The following AFAP1L2 variants were observed in gnomAD, a reference collection of about 807,000 sequenced individuals.
The protein encoded by AFAP1L2 is actin filament-associated protein 1-like 2.
In AFAP1L2, 46 loss-of-function variants were observed where a neutral mutation model predicts 99.3. The ratio of observed to expected loss-of-function variants is 0.46; its 90% CI spans 0.37 to 0.59. The LOEUF (loss-of-function observed/expected upper bound fraction) is 0.59. Ranked by LOEUF, AFAP1L2 falls within the 20% of genes least tolerant of loss-of-function variation. AFAP1L2 has a pLI of 0.00. For synonymous variants in AFAP1L2, 397 were observed against 419.1 expected, an observed-to-expected ratio of 0.95 and a Z score of 0.64; for missense variants, 959 against 1,034.9, an observed-to-expected ratio of 0.93 and a Z score of 1.01.
rs1283924763 is a variant in AFAP1L2 at position 114,340,267 on chromosome 10, C to A, written c.145+336G>T. ...CCCAGGAGGTTGAGGCTACAGTGAACCATGATCGCGCCACTGCACTCCAGA... is the reference window on the plus strand; with the variant it reads ...CCCAGGAGGTTGAGGCTACAGTGAAACATGATCGCGCCACTGCACTCCAGA... On this transcript the variant is annotated intron_variant, in intron 2 of 18. Transcript: ENST00000304129. Among the ~76,000 whole-genome samples, 3 of 152,008 alleles carry A rather than the reference C, an allele frequency of 2.0e-5. No homozygotes were observed. In the East Asian group the frequency reaches 5.8e-4, roughly 29 times the overall value.
Position 114,295,539 on chromosome 10 carries a change from T to G in AFAP1L2, c.*503A>C. On this transcript the variant is annotated 3_prime_UTR_variant, in exon 19 of 19. Transcript: ENST00000304129. ...AATGCTGTTTAAAATCACTGAAGAC[T>G]GAGTTGGGCCTGGTAATATTGGAGA... 2 of 985,750 alleles carry G rather than the reference T, an allele frequency of 2.0e-6. No individual in the cohort carries two copies. Among genetic ancestry groups the G allele is most frequent in the Non-Finnish European group, 2.4e-6 (2 of 830,180 alleles). The allele number at this position is 985,750 out of a possible 1,614,324, so 61.1% of individuals were successfully genotyped here. A position where few individuals can be genotyped will look rare whatever the true frequency, so the allele number is the denominator to read the frequency against.
chr10:114,318,115 C>T (rs926768059), intron 5 of AFAP1L2, among the ~76,000 whole-genome samples: 1 of 152,150 alleles, frequency 6.6e-6, no homozygotes, highest in Non-Finnish European at 1.5e-5. Flanking sequence ...ATAGAAAAAG[C>T]TCAAAATAGT....
chr10:114,325,388 G>T (rs576660292), intron 4 of AFAP1L2, among the ~76,000 whole-genome samples: 1 of 152,312 alleles, frequency 6.6e-6, no homozygotes, highest in East Asian at 1.9e-4. Context: ...AGACGAAGAG[G>T]ATCGACCCTG....
At chr10:114,376,953 T>C (rs1208119878) in intron 1 of AFAP1L2, among the ~76,000 whole-genome samples, 1 of 151,814 alleles carries the variant, frequency 6.6e-6, no homozygotes, top group Non-Finnish European at 1.5e-5. Context: ...CAAGATGGAG[T>C]AGAGACCCCA....
intron 3 of AFAP1L2, among the ~76,000 whole-genome samples, chr10:114,332,114 C>T (rs1590240070): frequency 6.6e-6 from 1 of 152,280 alleles, no homozygotes; most frequent in East Asian, 1.9e-4. Context: ...TTCTGGCAGC[C>T]TCTGTACCTG....
the AFAP1L2 span, chr10:114,286,315 G>A: frequency 6.2e-7 from 1 of 1,612,124 alleles, no homozygotes. Flanking sequence ...CACACTCCGA[G>A]GATGAGGTTG....
intron 4 of AFAP1L2, chr10:114,326,107 C>T: frequency 1.6e-6 from 2 of 1,212,780 alleles, no homozygotes; most frequent in Non-Finnish European, 2.1e-6. Flanking sequence ...GTCATCATCA[C>T]CACAGGGTCT....
At chr10:114,346,425 C>T (rs757841756) in intron 1 of AFAP1L2, among the ~76,000 whole-genome samples, 7 of 152,180 alleles carry the variant, frequency 4.6e-5, no homozygotes, top group African/African-American at 7.2e-5. Flanking sequence ...ACACAGGAGG[C>T]CATAGGCGAT....
chr10:114,379,852 C>T lies in AFAP1L2; in HGVS notation c.16+24588G>A, dbSNP rs557541973. 3.3e-5 allele frequency among the ~76,000 whole-genome samples: 5 copies of T among 152,274 alleles called. No individual in the cohort carries two copies. In the East Asian group the frequency reaches 7.7e-4, roughly 24 times the overall value. On this transcript the variant is annotated intron_variant, in intron 1 of 18. Coordinates refer to ENST00000304129, the MANE Select transcript of AFAP1L2 (RefSeq NM_001001936.3). ...AATCAGTTTCCTTGCCTTACAACTC[C>T]CCAGAAAGTGGAAATTGGCCAAGGT...
At chr10:114,292,488 T>A (rs912556649), downstream of AFAP1L2, among the ~76,000 whole-genome samples, 1 of 151,820 alleles carries the variant, frequency 6.6e-6, no homozygotes, top group African/African-American at 2.4e-5. Flanking sequence ...ACACAGTTTT[T>A]AAAGAAATAT....
chr10:114,396,045 G>T (rs1798970962), intron 1 of AFAP1L2, among the ~76,000 whole-genome samples: 1 of 152,224 alleles, frequency 6.6e-6, no homozygotes, highest in Non-Finnish European at 1.5e-5. Flanking sequence ...CCCTGGAACA[G>T]GTGGAAGAGA....
At chr10:114,299,992 G>A (rs1206083546) in intron 15 of AFAP1L2, among the ~76,000 whole-genome samples, 1 of 152,194 alleles carries the variant, frequency 6.6e-6, no homozygotes, top group Non-Finnish European at 1.5e-5. Context: ...TTGAGGCTTT[G>A]GGACTTGGAC....
intron 1 of AFAP1L2, among the ~76,000 whole-genome samples, chr10:114,374,636 C>T (rs1423053025): frequency 6.6e-6 from 1 of 151,872 alleles, no homozygotes; most frequent in South Asian, 2.1e-4. Context: ...CTGCCAGAGT[C>T]CTGAACTCAC....
At chr10:114,353,900 C>T (rs1009309198) in intron 1 of AFAP1L2, among the ~76,000 whole-genome samples, 2 of 152,112 alleles carry the variant, frequency 1.3e-5, no homozygotes, top group African/African-American at 4.8e-5. Flanking sequence ...CCAAGTAGAG[C>T]AGAGGCATGG....
At chr10:114,305,073 G>T (rs2041913807) in intron 10 of AFAP1L2, 143 bp from the exon 11 acceptor site, 1 of 675,098 alleles carries the variant, frequency 1.5e-6, no homozygotes, top group South Asian at 1.9e-5. Context: ...ATGCAAGAGG[G>T]GACTGGGCTC....
chr10:114,375,302 A>G (rs1360888814), intron 1 of AFAP1L2, among the ~76,000 whole-genome samples: 1 of 152,224 alleles, frequency 6.6e-6, no homozygotes, highest in East Asian at 1.9e-4. Flanking sequence ...CACAGAATAT[A>G]TGACCACAAA....
At chr10:114,325,810 G>A in intron 4 of AFAP1L2, 1 of 1,205,560 alleles carries the variant, frequency 8.3e-7, no homozygotes, top group Non-Finnish European at 1.1e-6. Flanking sequence ...AAAAGGCTGA[G>A]ACAGTGACAG....
chr10:114,377,735 C>T lies in AFAP1L2; in HGVS notation c.16+26705G>A, dbSNP rs543443613. ...CTGCCCTCAAATGCCTTAATTTCAACTCAGCAAGGTATCTGTGAACCAAGT... is the reference window on the plus strand; with the variant it reads ...CTGCCCTCAAATGCCTTAATTTCAATTCAGCAAGGTATCTGTGAACCAAGT... On this transcript the variant is annotated intron_variant, in intron 1 of 18. Coordinates refer to ENST00000304129, the MANE Select transcript of AFAP1L2 (RefSeq NM_001001936.3). The surrounding 1 kb of genome is among the most constrained non-coding windows in gnomAD (Gnocchi z 4.0). 6.6e-6 allele frequency among the ~76,000 whole-genome samples: 1 copy of T among 152,346 alleles called. No individual in the cohort carries two copies. Among genetic ancestry groups the T allele is most frequent in the South Asian group, 2.1e-4 (1 of 4,826 alleles).
intron 5 of AFAP1L2, 30 bp downstream of exon 5, chr10:114,323,141 C>G: frequency 6.4e-7 from 1 of 1,556,338 alleles, no homozygotes; most frequent in South Asian, 1.2e-5. Context: ...CAGTAAGTCA[C>G]CCTCCCAAGC....
Sources: allele counts gnomAD v4.1 joint callset (sites outside exome capture counted in the v4.1 genomes callset), GRCh38; gene constraint gnomAD v4.1.1; non-coding constraint Gnocchi (gnomAD v3.1); transcripts MANE v1.5; gene names NCBI Gene and HGNC (gene_info 2026-07-23, HGNC 2026-07-21).